The following RAB18 variants were observed in gnomAD, a reference collection of about 807,000 sequenced individuals.
RAB18 encodes ras-related protein Rab-18.
RAB18 carries 10 observed loss-of-function variants against 28.5 expected under a neutral mutation model. That is an observed-to-expected ratio of 0.35 (90% confidence interval 0.22 to 0.60). The LOEUF (loss-of-function observed/expected upper bound fraction) is 0.60, where lower values mean the gene tolerates loss of function less well. Among genes scored for constraint, RAB18 ranks in the 20% least tolerant of loss-of-function variants. The pLI is 0.78. For synonymous variants in RAB18, 93 were observed against 86.9 expected, an observed-to-expected ratio of 1.07 and a Z score of -0.39; for missense variants, 188 against 244.2, an observed-to-expected ratio of 0.77 and a Z score of 1.53.
rs116838140 is a variant in RAB18 at position 27,516,589 on chromosome 10, T to C, written c.124+6659T>C. ...AAAAAAAAAAAAAGAGAGAAATCTT[T>C]GATTTCTATACCTTAGTCTATATTC... On this transcript the variant is annotated intron_variant, in intron 2 of 6. Transcript: ENST00000356940. 9.3e-3 allele frequency among the ~76,000 whole-genome samples: 1,413 copies of C among 152,126 alleles called. 19 individuals carry two copies. The highest frequency in any genetic ancestry group is 0.032 in the African/African-American group (1,318 of 41,512).
chr10:27,533,405 T>C (rs1834826873), intron 4 of RAB18, among the ~76,000 whole-genome samples: 1 of 152,056 alleles, frequency 6.6e-6, no homozygotes, highest in Non-Finnish European at 1.5e-5. Context: ...CTAAACACTC[T>C]GGTTTTTGGA....
intron 2 of RAB18, among the ~76,000 whole-genome samples, chr10:27,518,680 A>T (rs1471626690): frequency 6.6e-6 from 1 of 152,048 alleles, no homozygotes; most frequent in Non-Finnish European, 1.5e-5. Context: ...TTATTAGATG[A>T]TATATGCTTT....
intron 2 of RAB18, among the ~76,000 whole-genome samples, chr10:27,515,409 T>A (rs186467427): frequency 2.6e-5 from 4 of 152,318 alleles, no homozygotes; most frequent in African/African-American, 9.6e-5. Flanking sequence ...GTAAAACCAT[T>A]TTTCTACTTC....
At chr10:27,531,546 G>C in intron 3 of RAB18, 1 of 1,475,470 alleles carries the variant, frequency 6.8e-7, no homozygotes, top group Non-Finnish European at 9.3e-7. Context: ...TGCATCAGCA[G>C]ACTGCAAACT....
chr10:27,528,450 T>G (rs12258435), intron 3 of RAB18: 2 of 414,056 alleles, frequency 4.8e-6, no homozygotes, highest in Non-Finnish European at 9.5e-6. Context: ...CTTTAAAATA[T>G]CAAGGGATAT....
chr10:27,527,018 T>C (rs1264199119), intron 3 of RAB18, 129 bp downstream of exon 3: 1 of 1,024,508 alleles, frequency 9.8e-7, no homozygotes, highest in Non-Finnish European at 1.5e-6. Context: ...GGAGATTTGA[T>C]ACTGATTAAA....
chr10:27,525,754 T>C (rs1029540350), intron 2 of RAB18, among the ~76,000 whole-genome samples: 1 of 152,222 alleles, frequency 6.6e-6, no homozygotes, highest in Non-Finnish European at 1.5e-5. Context: ...ATGCACATTT[T>C]GAATGTGCAT....
At chr10:27,532,716 A>T in intron 4 of RAB18, 137 bp downstream of exon 4, 1 of 653,164 alleles carries the variant, frequency 1.5e-6, no homozygotes, top group Non-Finnish European at 2.6e-6. Context: ...TATTAACTTC[A>T]TGTAATATTA....
intron 2 of RAB18, among the ~76,000 whole-genome samples, chr10:27,525,654 A>G (rs1439558259): frequency 6.6e-6 from 1 of 152,158 alleles, no homozygotes; most frequent in Non-Finnish European, 1.5e-5. Flanking sequence ...GTTGCCCATC[A>G]TTCTAGGCTT....
intron 6 of RAB18, among the ~76,000 whole-genome samples, chr10:27,535,975 T>C (rs774177693): frequency 4.0e-5 from 6 of 151,548 alleles, no homozygotes; most frequent in Admixed American, 1.3e-4. Context: ...CCCAGCTACT[T>C]GGGAGGCTGA....
chr10:27,540,403 C>T lies in RAB18; in HGVS notation c.*2352C>T, dbSNP rs760087831. 1 of 454,112 alleles carries T rather than the reference C, an allele frequency of 2.2e-6. No homozygotes were observed. Among genetic ancestry groups the T allele is most frequent in the South Asian group, 1.6e-5 (1 of 64,476 alleles). The allele number at this position is 454,112 out of a possible 1,614,324, so 28.1% of individuals were successfully genotyped here. A position where few individuals can be genotyped will look rare whatever the true frequency, so the allele number is the denominator to read the frequency against. On this transcript the variant is annotated 3_prime_UTR_variant, in exon 7 of 7. Coordinates refer to ENST00000356940, the MANE Select transcript of RAB18 (RefSeq NM_021252.5). ...TGAGCCCATACTCTTCACCATCGCT[C>T]ATTTTACAATGGGTAGTTAGTTACC...
In RAB18 at chr10:27,538,062, A is replaced by T. The variant is rs1397399570; in HGVS notation, c.*11A>T. The T allele has an allele frequency of 6.2e-7, 1 of 1,614,100 alleles. No homozygotes were observed. ...TGCTCTGTGTTATAAACTCTGGGAA[A>T]TTCCATCTCTTGCATATTTGATCAG... On this transcript the variant is annotated 3_prime_UTR_variant, in exon 7 of 7. Transcript: ENST00000356940.
chr10:27,524,453 T>C (rs1430321320), intron 2 of RAB18, among the ~76,000 whole-genome samples: 1 of 152,252 alleles, frequency 6.6e-6, no homozygotes, highest in Non-Finnish European at 1.5e-5. Flanking sequence ...TTTGGCCTTT[T>C]TCATGAAGGT....
In RAB18 at chr10:27,536,922, G is replaced by C. The variant is rs558233962; in HGVS notation, c.446-954G>C. Among the ~76,000 whole-genome samples the C allele has an allele frequency of 9.2e-5, 14 of 152,270 alleles. 1 individual carries two copies. In the South Asian group the frequency reaches 2.9e-3, roughly 32 times the overall value. The stretch of plus-strand genomic sequence containing the variant: ...CTTATGTGGATAACTCTTTAGAAGA[G>C]GTTTCAAAGAGAGTGGAGAAATGGG... On this transcript the variant is annotated intron_variant, in intron 6 of 6. Coordinates refer to ENST00000356940, the MANE Select transcript of RAB18 (RefSeq NM_021252.5).
intron 2 of RAB18, among the ~76,000 whole-genome samples, chr10:27,522,718 G>C (rs1229247300): frequency 6.6e-6 from 1 of 151,744 alleles, no homozygotes; most frequent in Non-Finnish European, 1.5e-5. Flanking sequence ...TTTTCTTTGT[G>C]ATCTATTTCA....
chr10:27,514,797 G>T (rs1299338633), intron 2 of RAB18, among the ~76,000 whole-genome samples: 1 of 151,482 alleles, frequency 6.6e-6, no homozygotes, highest in African/African-American at 2.4e-5. Flanking sequence ...TTGAGGCAGG[G>T]TCTTGTTCTG....
chr10:27,507,577 G>A (rs1259447704), intron 1 of RAB18, among the ~76,000 whole-genome samples: 1 of 117,498 alleles, frequency 8.5e-6, no homozygotes, highest in Non-Finnish European at 1.8e-5. Flanking sequence ...AATTTCATAT[G>A]TAAATTTAAA....
At position 27,539,770 on chromosome 10, in the gene RAB18, G is replaced by T; in HGVS notation, c.*1719G>T. 1 of 449,766 alleles carries T rather than the reference G, an allele frequency of 2.2e-6. No individual in the cohort carries two copies. Among genetic ancestry groups the T allele is most frequent in the Non-Finnish European group, 4.4e-6 (1 of 225,636 alleles). 27.9% of individuals were successfully genotyped at this position (449,766 alleles called of 1,614,324 possible). On this transcript the variant is annotated 3_prime_UTR_variant, in exon 7 of 7. Transcript: ENST00000356940. ...AATATAACAAAAATGAATTTTGTTT[G>T]ATAGATTTATATTGTAACCTTTTTC...
At position 27,532,526 on chromosome 10, in the gene RAB18, G is replaced by A; in HGVS notation, c.206G>A (p.Arg69Lys). ...TTTTAGGATACTGCTGGTCAAGAGAGGTTTAGAACATTAACTCCCAGCTAT... is the reference window on the plus strand; with the variant it reads ...TTTTAGGATACTGCTGGTCAAGAGAAGTTTAGAACATTAACTCCCAGCTAT... ...LAIWDTAGQE[R>K]FRTLTPSYYR... Residue 69 changes from arginine to lysine, a missense_variant, in exon 4 of 7, where the codon AGG becomes AAG. By Grantham distance (26) the Arg-to-Lys change is conservative. Coordinates refer to ENST00000356940, the MANE Select transcript of RAB18 (RefSeq NM_021252.5). 1 of 1,605,268 alleles carries A rather than the reference G, an allele frequency of 6.2e-7. No homozygotes were observed.
Sources: gnomAD v4.1 joint callset for allele counts (sites outside exome capture counted in the v4.1 genomes callset) on GRCh38, gnomAD v4.1.1 for gene constraint, MANE v1.5 for transcripts, NCBI Gene and HGNC (gene_info 2026-07-23, HGNC 2026-07-21) for gene names.